Variants in PATL2 observed in about 807,000 individuals in gnomAD.
The protein encoded by PATL2 is PAT1 homolog 2, also known as protein PAT1 homolog 2.
In PATL2, 73 loss-of-function variants were observed where a neutral mutation model predicts 77.0. That is an observed-to-expected ratio of 0.95 (90% CI 0.78 to 1.15). PATL2 has a LOEUF of 1.15. Among genes scored for constraint, PATL2 ranks in the 50% most tolerant of loss-of-function variants. The pLI is 0.00. For synonymous variants in PATL2, 265 were observed against 257.1 expected (o/e 1.03, Z -0.29); for missense variants, 618 against 655.4 (o/e 0.94, Z 0.62).
At position 44,669,268 on chromosome 15, in the gene PATL2, T is replaced by TC; in HGVS notation, c.1064+11dup. ...CCCTTCCTGGGCTGAGGTGGAACCCTCCCACACTCACTCCAGGTTGTTCTG... is the reference window on the plus strand; with the variant it reads ...CCCTTCCTGGGCTGAGGTGGAACCCTCCCCACACTCACTCCAGGTTGTTCTG... On this transcript the variant is annotated intron_variant, in intron 13 of 17. Coordinates refer to ENST00000682850, the MANE Select transcript of PATL2 (RefSeq NM_001387263.1). The TC allele has an allele frequency of 1.3e-6, 2 of 1,544,952 alleles. No individual in the cohort carries two copies. The highest frequency in any genetic ancestry group is 2.5e-5 in the East Asian group (1 of 40,674).
At chr15:44,705,184 C>T (rs919894386) in intron 3 of PATL2, among the ~76,000 whole-genome samples, 1 of 149,276 alleles carries the variant, frequency 6.7e-6, no homozygotes, top group Admixed American at 6.7e-5. Flanking sequence ...GCCAATAACT[C>T]TTTTTTTTTT....
chr15:44,688,029 C>T (rs780363477), intron 3 of PATL2, among the ~76,000 whole-genome samples: 1 of 151,972 alleles, frequency 6.6e-6, no homozygotes, highest in Admixed American at 6.6e-5. Flanking sequence ...AGGCAGATCA[C>T]GAGGTCAGGA....
At chr15:44,666,076 G>C (rs1678245938) in intron 17 of PATL2, 105 bp from the exon 18 acceptor site, 1 of 1,078,338 alleles carries the variant, frequency 9.3e-7, no homozygotes. Flanking sequence ...TGAGGACAGA[G>C]ATGACCATGT....
intron 3 of PATL2, among the ~76,000 whole-genome samples, chr15:44,686,444 C>G (rs966545923): frequency 6.6e-6 from 1 of 152,056 alleles, no homozygotes; most frequent in East Asian, 1.9e-4. Context: ...TAAATGCCCA[C>G]AAGAGGAAGT....
At chr15:44,676,441 A>G in intron 4 of PATL2, 34 bp downstream of exon 4, 1 of 1,520,510 alleles carries the variant, frequency 6.6e-7, no homozygotes, top group Non-Finnish European at 8.9e-7. Context: ...ATGCTGGGGC[A>G]TTTTATATAA....
intron 3 of PATL2, among the ~76,000 whole-genome samples, chr15:44,708,772 A>G (rs768013178): frequency 6.6e-6 from 1 of 152,250 alleles, no homozygotes; most frequent in African/African-American, 2.4e-5. Context: ...AACATTAAAC[A>G]TTAATGTCCA....
intron 3 of PATL2, among the ~76,000 whole-genome samples, chr15:44,685,183 T>G (rs2086225786): frequency 6.6e-6 from 1 of 152,162 alleles, no homozygotes; most frequent in Non-Finnish European, 1.5e-5. Flanking sequence ...GAAGAAACTG[T>G]GTCAACTAAC....
At position 44,678,801 on chromosome 15, in the gene PATL2, GA is replaced by G. The variant is rs151247698; in HGVS notation, c.-75-2237del. On this transcript the variant is annotated intron_variant, in intron 3 of 17. Coordinates refer to ENST00000682850, the MANE Select transcript of PATL2 (RefSeq NM_001387263.1). ...TCTCTATTAAAAATTTTTTCTTAAA[GA>G]AAAAAAATGACATTAGAAATATTTA... is the stretch of plus-strand genomic sequence containing the variant. Among the ~76,000 whole-genome samples the G allele has an allele frequency of 4.8e-3, 724 of 151,720 alleles. 1 individual carries two copies. The highest frequency in any genetic ancestry group is 0.014 in the African/African-American group (585 of 41,408).
At chr15:44,696,104 G>A (rs928998075) in intron 3 of PATL2, among the ~76,000 whole-genome samples, 7 of 152,186 alleles carry the variant, frequency 4.6e-5, no homozygotes, top group African/African-American at 1.2e-4. Context: ...AGTGCTGCAC[G>A]GAATCCAAGG....
intron 3 of PATL2, among the ~76,000 whole-genome samples, chr15:44,694,521 T>G (rs2086462372): frequency 2.0e-5 from 3 of 152,056 alleles, no homozygotes; most frequent in African/African-American, 7.2e-5. Flanking sequence ...GCTCCTAAAC[T>G]CCTTGTGTGT....
Position 44,671,932 on chromosome 15 carries a change from C to T in PATL2, c.657+83G>A, listed in dbSNP as rs544319661. 69 of 1,489,996 alleles carry T rather than the reference C, an allele frequency of 4.6e-5. No individual in the cohort carries two copies. The East Asian group carries it at 1.2e-3, about 26-fold the overall frequency. 92.3% of individuals were successfully genotyped at this position (1,489,996 alleles called of 1,614,324 possible). ...CTGAACAGACATGACCTCTATGAGC[C>T]GAAGAGAGGATCAGAGCGGGCCCGG... On this transcript the variant is annotated intron_variant, in intron 9 of 17. Coordinates refer to ENST00000682850, the MANE Select transcript of PATL2 (RefSeq NM_001387263.1).
intron 3 of PATL2, among the ~76,000 whole-genome samples, chr15:44,698,995 A>G (rs1052690055): frequency 4.6e-5 from 7 of 152,198 alleles, no homozygotes; most frequent in African/African-American, 1.4e-4. Flanking sequence ...CTGATGATCA[A>G]TGATGGTGAG....
chr15:44,681,933 G>C (rs530326622), intron 3 of PATL2, among the ~76,000 whole-genome samples: 1 of 152,174 alleles, frequency 6.6e-6, no homozygotes. Flanking sequence ...ATAGTAAACT[G>C]CTTTTAGCTG....
At chr15:44,672,266 G>T in intron 8 of PATL2, 110 bp from the exon 9 acceptor site, 1 of 1,529,720 alleles carries the variant, frequency 6.5e-7, no homozygotes, top group South Asian at 1.2e-5. Context: ...AAGCACAGAG[G>T]TGGGCAACAG....
rs1260407532 is a variant in PATL2, at chr15:44,672,003, T to A, written c.657+12A>T. ...CAAGGTCAGAGGCTGGGCTGAGTAC[T>A]GCGGGGCTCACCTGGTAATAGTAGT... On this transcript the variant is annotated intron_variant, in intron 9 of 17. Transcript: ENST00000682850. 1.3e-6 allele frequency: 2 copies of A among 1,551,608 alleles called. No homozygotes were observed. Among genetic ancestry groups the A allele is most frequent in the South Asian group, 2.4e-5 (2 of 84,048 alleles).
At chr15:44,683,076 C>T (rs185524610) in intron 3 of PATL2, among the ~76,000 whole-genome samples, 1 of 152,340 alleles carries the variant, frequency 6.6e-6, no homozygotes, top group Admixed American at 6.5e-5. Flanking sequence ...TACGCTTTTC[C>T]CATCCTCTTC....
At chr15:44,667,077 T>C (rs374192103) in intron 16 of PATL2, 29 bp downstream of exon 16, 1 of 1,484,500 alleles carries the variant, frequency 6.7e-7, no homozygotes, top group Non-Finnish European at 9.2e-7. Flanking sequence ...GGGTACTAGA[T>C]AGTATTTACA....
At chr15:44,678,765 G>T (rs1162520414) in intron 3 of PATL2, among the ~76,000 whole-genome samples, 1 of 152,004 alleles carries the variant, frequency 6.6e-6, no homozygotes, top group East Asian at 1.9e-4. Flanking sequence ...GGACAACATA[G>T]TGAGACCCCA....
At chr15:44,706,090 G>A (rs1165081685) in intron 3 of PATL2, among the ~76,000 whole-genome samples, 2 of 152,134 alleles carry the variant, frequency 1.3e-5, no homozygotes, top group South Asian at 2.1e-4. Flanking sequence ...GTGAGCCACC[G>A]TGCCTGACCA....
Sources: gnomAD v4.1 joint callset for allele counts (sites outside exome capture counted in the v4.1 genomes callset) on GRCh38, gnomAD v4.1.1 for gene constraint, MANE v1.5 for transcripts, NCBI Gene and HGNC (gene_info 2026-07-23, HGNC 2026-07-21) for gene names.